The following LRRC8D variants were observed in gnomAD, a reference collection of about 807,000 sequenced individuals.
LRRC8D encodes the protein leucine rich repeat containing 8 VRAC subunit D.
LRRC8D carries 20 observed loss-of-function variants against 55.8 expected under a neutral mutation model. The ratio of observed to expected loss-of-function variants is 0.36; its 90% CI spans 0.25 to 0.52. The LOEUF (loss-of-function observed/expected upper bound fraction) is 0.52. LRRC8D is among the 20% of genes least tolerant of loss of function. The pLI, the probability that LRRC8D is intolerant of heterozygous loss-of-function variation, is 0.93. For missense variants in LRRC8D, 651 were observed against 1,030.8 expected (o/e 0.63, Z 5.05); for synonymous variants, 352 against 377.0 (o/e 0.93, Z 0.77).
chr1:89,915,163 C>T (rs1294467559), intron 2 of LRRC8D, among the ~76,000 whole-genome samples: 2 of 151,982 alleles, frequency 1.3e-5, no homozygotes, highest in Non-Finnish European at 2.9e-5. Flanking sequence ...TTGGTAAAGT[C>T]TATGATGGGC....
At chr1:89,916,378 A>G (rs1663269320) in intron 2 of LRRC8D, among the ~76,000 whole-genome samples, 1 of 152,262 alleles carries the variant, frequency 6.6e-6, no homozygotes, top group African/African-American at 2.4e-5. Context: ...GTTTTATCAA[A>G]TCCTTTGAAA....
intron 2 of LRRC8D, among the ~76,000 whole-genome samples, chr1:89,880,098 A>G (rs1302832229): frequency 6.6e-6 from 1 of 151,612 alleles, no homozygotes; most frequent in Non-Finnish European, 1.5e-5. Flanking sequence ...TGTCTCTACG[A>G]CGTTTGGTAC....
At chr1:89,855,074 G>A (rs1172634993) in intron 2 of LRRC8D, among the ~76,000 whole-genome samples, 1 of 151,892 alleles carries the variant, frequency 6.6e-6, no homozygotes, top group African/African-American at 2.4e-5. Flanking sequence ...TCTCTCTCTG[G>A]TTGCATTTTC....
intron 2 of LRRC8D, among the ~76,000 whole-genome samples, chr1:89,858,823 T>C (rs1347535081): frequency 2.0e-5 from 3 of 152,136 alleles, no homozygotes; most frequent in African/African-American, 7.2e-5. Context: ...CATTTTAATA[T>C]AGCTTATTGT....
chr1:89,910,030 C>T (rs1040911734), intron 2 of LRRC8D, among the ~76,000 whole-genome samples: 18 of 152,078 alleles, frequency 1.2e-4, no homozygotes, highest in Admixed American at 5.2e-4. Context: ...TTTGTACTTA[C>T]GAACCAGTAG....
chr1:89,856,024 G>A (rs898066394), intron 2 of LRRC8D, among the ~76,000 whole-genome samples: 4 of 151,502 alleles, frequency 2.6e-5, no homozygotes, highest in Non-Finnish European at 5.9e-5. Context: ...ATGTACCTTT[G>A]GCATATTTGA....
intron 2 of LRRC8D, among the ~76,000 whole-genome samples, chr1:89,890,397 G>C (rs574786705): frequency 1.3e-5 from 2 of 152,236 alleles, no homozygotes; most frequent in East Asian, 3.9e-4. Flanking sequence ...ACATTTTCCT[G>C]GTTACAGCCA....
chr1:89,877,393 G>A (rs1662173751), intron 2 of LRRC8D, among the ~76,000 whole-genome samples: 1 of 152,114 alleles, frequency 6.6e-6, no homozygotes, highest in Admixed American at 6.5e-5. Context: ...AAATTTTTAT[G>A]AGCTTTAAGT....
intron 2 of LRRC8D, among the ~76,000 whole-genome samples, chr1:89,858,917 A>G (rs1661627334): frequency 6.7e-6 from 1 of 149,208 alleles, no homozygotes; most frequent in Admixed American, 6.6e-5. Flanking sequence ...ACATTTTGAC[A>G]TAAATAAAAC....
chr1:89,916,522 A>G (rs964278885), intron 2 of LRRC8D, among the ~76,000 whole-genome samples: 1 of 152,238 alleles, frequency 6.6e-6, no homozygotes, highest in African/African-American at 2.4e-5. Flanking sequence ...TTTAATGTCA[A>G]TAATGAATTC....
At chr1:89,832,027 G>A (rs182951801) in intron 1 of LRRC8D, among the ~76,000 whole-genome samples, 5 of 152,310 alleles carry the variant, frequency 3.3e-5, no homozygotes, top group East Asian at 1.9e-4. Context: ...GCAGGGCTGC[G>A]TCTGCGCTGT....
At chr1:89,902,989 T>C (rs1188684726) in intron 2 of LRRC8D, among the ~76,000 whole-genome samples, 1 of 152,224 alleles carries the variant, frequency 6.6e-6, no homozygotes, top group East Asian at 1.9e-4. Context: ...CACGGGGCAC[T>C]GTGCTAAGTG....
intron 2 of LRRC8D, among the ~76,000 whole-genome samples, chr1:89,883,312 G>A (rs1173334947): frequency 1.3e-5 from 2 of 152,114 alleles, no homozygotes; most frequent in African/African-American, 4.8e-5. Context: ...GCAATGTAGT[G>A]GGCAGATTGG....
At chr1:89,906,251 CA>C in intron 2 of LRRC8D, among the ~76,000 whole-genome samples, 1 of 152,140 alleles carries the variant, frequency 6.6e-6, no homozygotes, top group South Asian at 2.1e-4. Context: ...CAGAACAAGA[CA>C]TCTGGTACTG....
At chr1:89,852,773 G>A (rs886736333) in intron 2 of LRRC8D, among the ~76,000 whole-genome samples, 1 of 152,182 alleles carries the variant, frequency 6.6e-6, no homozygotes, top group Non-Finnish European at 1.5e-5. Flanking sequence ...AGAAAGGACA[G>A]ACTGAGGAAA....
chr1:89,924,112 C>A (rs1365666471), intron 2 of LRRC8D, among the ~76,000 whole-genome samples: 1 of 152,168 alleles, frequency 6.6e-6, no homozygotes, highest in Non-Finnish European at 1.5e-5. Flanking sequence ...TTCTGCACAG[C>A]AAATTAAACT....
chr1:89,845,875 G>A (rs565064680), intron 2 of LRRC8D, among the ~76,000 whole-genome samples: 49 of 152,078 alleles, frequency 3.2e-4, no homozygotes, highest in African/African-American at 1.2e-3. Flanking sequence ...TCCGTCTCCC[G>A]GGTTCAAGCG....
chr1:89,915,116 A>G (rs980609275), intron 2 of LRRC8D, among the ~76,000 whole-genome samples: 1 of 151,976 alleles, frequency 6.6e-6, no homozygotes, highest in East Asian at 1.9e-4. Flanking sequence ...GAAAATGTAA[A>G]TGATTATGAG....
In LRRC8D at chr1:89,934,897, C is replaced by T; in HGVS notation, c.1829C>T (p.Ala610Val). 6.2e-7 allele frequency: 1 copy of T among 1,614,120 alleles called. No homozygotes were observed. Among genetic ancestry groups the T allele is most frequent in the Non-Finnish European group, 8.5e-7 (1 of 1,179,994 alleles). ...TKVPSNITDVAPHLTKLVIHN... is the reference protein window; with the variant it reads ...TKVPSNITDVVPHLTKLVIHN... ...GTTCCCTCCAACATTACAGATGTGGCTCCACATCTTACAAAGTTAGTCATT... is the reference window on the plus strand; with the variant it reads ...GTTCCCTCCAACATTACAGATGTGGTTCCACATCTTACAAAGTTAGTCATT... Residue 610 changes from alanine to valine, a missense_variant, in exon 3 of 3, where the codon GCT becomes GTT. This residue lies in a region of LRRC8D where 338 missense variants were observed against 479.4 expected (regional missense o/e 0.71). Transcript: ENST00000337338. The surrounding 1 kb of genome is among the most constrained non-coding windows in gnomAD (Gnocchi z 5.9).
Sources: gnomAD v4.1 joint callset for allele counts (sites outside exome capture counted in the v4.1 genomes callset) on GRCh38, gnomAD v4.1.1 for gene constraint, gnomAD v4.1.1 regional missense constraint, Gnocchi (gnomAD v3.1) non-coding constraint, MANE v1.5 for transcripts, NCBI Gene and HGNC (gene_info 2026-07-23, HGNC 2026-07-21) for gene names.